The following PRKN variants were observed in gnomAD, a reference collection of about 807,000 sequenced individuals.
PRKN encodes the protein parkin RBR E3 ubiquitin protein ligase, also known as E3 ubiquitin-protein ligase parkin.
A neutral mutation model predicts 59.5 loss-of-function variants in PRKN; 56 were observed. That is an observed-to-expected ratio of 0.94 (90% CI 0.76 to 1.18). The LOEUF (loss-of-function observed/expected upper bound fraction) is 1.18, where lower values mean the gene tolerates loss of function less well. Ranked by LOEUF, PRKN falls within the 50% of genes most tolerant of loss-of-function variation. The pLI is 0.00. For missense variants in PRKN, 657 were observed against 596.4 expected (o/e 1.10, Z -1.06); for synonymous variants, 250 against 222.1 (o/e 1.13, Z -1.12).
intron 7 of PRKN, among the ~76,000 whole-genome samples, chr6:161,758,584 T>C (rs1426260458): frequency 6.6e-6 from 1 of 152,204 alleles, no homozygotes; most frequent in Non-Finnish European, 1.5e-5. Context: ...GTTCCTTACA[T>C]TGATTGTTTT....
chr6:161,633,997 AACACACACACACACACAC>A (rs141101298), intron 7 of PRKN, among the ~76,000 whole-genome samples: 4 of 142,020 alleles, frequency 2.8e-5, no homozygotes, highest in Non-Finnish European at 4.5e-5. Context: ...GGAAAACTTA[AACACACACACACACACAC>A]ACACACACAC....
chr6:161,588,963 C>G lies in PRKN; in HGVS notation c.872-19547G>C, dbSNP rs1781618184. 6.6e-6 allele frequency among the ~76,000 whole-genome samples: 1 copy of G among 152,122 alleles called. No individual in the cohort carries two copies. Among genetic ancestry groups the G allele is most frequent in the South Asian group, 2.1e-4 (1 of 4,832 alleles). On this transcript the variant is annotated intron_variant, in intron 7 of 11. Coordinates refer to ENST00000366898, the MANE Select transcript of PRKN (RefSeq NM_004562.3). This position sits in a 1 kb window ranked among gnomAD's most constrained non-coding sequence, Gnocchi z 5.0. ...ATGTAACCGGTATCCTCTAGTTTAT[C>G]TGGCAGCCTTACCAAGCCATAATTC...
At chr6:162,076,645 AT>A (rs1324799581) in intron 4 of PRKN, among the ~76,000 whole-genome samples, 1 of 152,138 alleles carries the variant, frequency 6.6e-6, no homozygotes, top group African/African-American at 2.4e-5. Context: ...CTTAGCACTG[AT>A]TTAAACCAGC....
At chr6:162,657,716 G>A (rs1056880469) in intron 1 of PRKN, among the ~76,000 whole-genome samples, 2 of 152,088 alleles carry the variant, frequency 1.3e-5, no homozygotes, top group Admixed American at 6.5e-5. Context: ...AAAATTAGTG[G>A]AAGACCCTCC....
At position 162,476,589 on chromosome 6, in the gene PRKN, C is replaced by T. The variant is rs1792029147; in HGVS notation, c.8-33116G>A. 2.0e-5 allele frequency among the ~76,000 whole-genome samples: 3 copies of T among 152,166 alleles called. No homozygotes were observed. The East Asian group carries it at 5.8e-4, about 29-fold the overall frequency. On this transcript the variant is annotated intron_variant, in intron 1 of 11. Coordinates refer to ENST00000366898, the MANE Select transcript of PRKN (RefSeq NM_004562.3). ...GTAATGATAACTGTGGAAAAGAAAA[C>T]AGGCAGCACAGCATGAGGAAAGGAC...
chr6:162,693,634 C>T (rs944480816), intron 1 of PRKN, among the ~76,000 whole-genome samples: 2 of 152,248 alleles, frequency 1.3e-5, no homozygotes, highest in Middle Eastern at 3.4e-3. Context: ...CCAATAGCTA[C>T]CTTTTTTTGC....
At chr6:161,918,659 T>C (rs1778666861) in intron 6 of PRKN, among the ~76,000 whole-genome samples, 1 of 152,188 alleles carries the variant, frequency 6.6e-6, no homozygotes, top group Admixed American at 6.5e-5. Context: ...GGTGAGTTCT[T>C]TTTCTTCTAA....
At chr6:161,944,674 A>G (rs1339256026) in intron 6 of PRKN, among the ~76,000 whole-genome samples, 4 of 152,110 alleles carry the variant, frequency 2.6e-5, no homozygotes, top group Non-Finnish European at 5.9e-5. Flanking sequence ...CTTTTATTTT[A>G]TTATCTAAAT....
At chr6:161,684,895 C>T (rs948862908) in intron 7 of PRKN, among the ~76,000 whole-genome samples, 1 of 152,018 alleles carries the variant, frequency 6.6e-6, no homozygotes. Context: ...CCATGCATCT[C>T]TTACACCACA....
At chr6:161,590,854 T>C (rs1042864568) in intron 7 of PRKN, among the ~76,000 whole-genome samples, 1 of 152,026 alleles carries the variant, frequency 6.6e-6, no homozygotes, top group Admixed American at 6.6e-5. Context: ...TCCACAGTCA[T>C]AATAGACTAG....
At chr6:161,881,025 A>C (rs1004040803) in intron 6 of PRKN, among the ~76,000 whole-genome samples, 24 of 152,168 alleles carry the variant, frequency 1.6e-4, no homozygotes, top group African/African-American at 5.8e-4. Flanking sequence ...ACATATTTTC[A>C]TGTAAAAATG....
chr6:161,549,186 T>G lies in PRKN; in HGVS notation c.934-183A>C, dbSNP rs577233591. On this transcript the variant is annotated intron_variant, in intron 8 of 11. Transcript: ENST00000366898. The surrounding 1 kb of genome is among the most constrained non-coding windows in gnomAD (Gnocchi z 6.0). ...CGGGGTTGATAGGGGAGGACGAATA[T>G]GGTTCAATGCAGTAAAAGTCTACCA... 2.0e-5 allele frequency among the ~76,000 whole-genome samples: 3 copies of G among 152,198 alleles called. No homozygotes were observed. The highest frequency in any genetic ancestry group is 7.2e-5 in the African/African-American group (3 of 41,532).
At chr6:161,925,399 G>A (rs186417648) in intron 6 of PRKN, among the ~76,000 whole-genome samples, 46 of 152,118 alleles carry the variant, frequency 3.0e-4, no homozygotes, top group African/African-American at 1.0e-3. Flanking sequence ...GTGAAATCCC[G>A]TCTCTACTAA....
intron 3 of PRKN, among the ~76,000 whole-genome samples, chr6:162,227,125 G>A (rs1399385234): frequency 2.0e-5 from 3 of 152,146 alleles, no homozygotes; most frequent in Admixed American, 6.6e-5. Flanking sequence ...CCTAGTATAC[G>A]TATGGGACTT....
chr6:161,454,195 A>C lies in PRKN; in HGVS notation c.1084-67318T>G, dbSNP rs1789866069. On this transcript the variant is annotated intron_variant, in intron 9 of 11. Coordinates refer to ENST00000366898, the MANE Select transcript of PRKN (RefSeq NM_004562.3). The surrounding 1 kb of genome is among the most constrained non-coding windows in gnomAD (Gnocchi z 4.6). ...CATTTTGGCGATGTCCCCTTGGGTC[A>C]CAGAACGGCAGCATGGGTTCTATAG... Among the ~76,000 whole-genome samples, 1 of 152,178 alleles carries C rather than the reference A, an allele frequency of 6.6e-6. No individual in the cohort carries two copies. Among genetic ancestry groups the C allele is most frequent in the Non-Finnish European group, 1.5e-5 (1 of 68,036 alleles).
At chr6:162,522,461 CACA>C (rs1327114146) in intron 1 of PRKN, among the ~76,000 whole-genome samples, 3 of 152,194 alleles carry the variant, frequency 2.0e-5, no homozygotes, top group African/African-American at 7.2e-5. Context: ...CAACAGTAAA[CACA>C]ACAATGGCTA....
At chr6:162,273,203 C>A (rs534449002) in intron 2 of PRKN, among the ~76,000 whole-genome samples, 7 of 151,856 alleles carry the variant, frequency 4.6e-5, no homozygotes, top group African/African-American at 1.7e-4. Flanking sequence ...AAAGGAAAAT[C>A]GAAGTTAGTG....
chr6:161,695,996 G>A (rs7743476), intron 7 of PRKN, among the ~76,000 whole-genome samples: 2,918 of 152,278 alleles, frequency 0.019, 102 homozygotes, highest in African/African-American at 0.066. Flanking sequence ...TCTCATATCT[G>A]CATAGAACAT....
rs370354155 is a variant in PRKN, at chr6:162,314,899, A to G, written c.172-52134T>C. Among the ~76,000 whole-genome samples the G allele has an allele frequency of 7.2e-5, 11 of 152,258 alleles. No homozygotes were observed. The South Asian group carries it at 1.0e-3, about 14-fold the overall frequency. On this transcript the variant is annotated intron_variant, in intron 2 of 11. Transcript: ENST00000366898. ...AATCTGTATGCGTTTCACAGGAACT[A>G]CTGCCAAGGAAGGTCCCCAGCATCC...
Sources: gnomAD v4.1 joint callset for allele counts (sites outside exome capture counted in the v4.1 genomes callset) on GRCh38, gnomAD v4.1.1 for gene constraint, Gnocchi (gnomAD v3.1) non-coding constraint, MANE v1.5 for transcripts, NCBI Gene and HGNC (gene_info 2026-07-23, HGNC 2026-07-21) for gene names.